Variants in TES observed in about 807,000 individuals in gnomAD.
The protein encoded by TES is testin.
A neutral mutation model predicts 48.2 loss-of-function variants in TES; 41 were observed. The ratio of observed to expected loss-of-function variants is 0.85; its 90% CI spans 0.66 to 1.10. The LOEUF (loss-of-function observed/expected upper bound fraction) is 1.10, where lower values mean the gene tolerates loss of function less well. TES is among the 50% of genes least tolerant of loss of function. TES has a pLI of 0.00. For synonymous variants in TES, 162 were observed against 174.9 expected, an observed-to-expected ratio of 0.93 and a Z score of 0.58; for missense variants, 463 against 515.1, an observed-to-expected ratio of 0.90 and a Z score of 0.98.
At chr7:116,249,601 A>G in intron 3 of TES, 1 of 227,090 alleles carries the variant, frequency 4.4e-6, no homozygotes, top group Middle Eastern at 1.6e-3. Flanking sequence ...GGTAAAGAAG[A>G]GAATTTTTGT....
chr7:116,252,066 G>A, intron 5 of TES, 91 bp downstream of exon 5: 1 of 1,320,986 alleles, frequency 7.6e-7, no homozygotes, highest in East Asian at 2.3e-5. Flanking sequence ...TGACCAAACA[G>A]CAGTTGCTCT....
chr7:116,257,206 T>G, intron 6 of TES, 88 bp from the exon 7 acceptor site: 1 of 1,361,810 alleles, frequency 7.3e-7, no homozygotes, highest in East Asian at 2.5e-5. Context: ...AGTTTTAATT[T>G]ATCATCTAAA....
intron 1 of TES, 58 bp downstream of exon 1, chr7:116,210,792 G>T (rs1799426893): frequency 8.1e-7 from 1 of 1,227,548 alleles, no homozygotes; most frequent in Non-Finnish European, 1.0e-6. Context: ...CGCGCGGCGC[G>T]CGGCGGCCGG....
intron 1 of TES, among the ~76,000 whole-genome samples, chr7:116,217,123 C>T (rs1224541815): frequency 6.6e-6 from 1 of 152,058 alleles, no homozygotes; most frequent in Non-Finnish European, 1.5e-5. Flanking sequence ...TGGAATTATA[C>T]CCGTCAGTGA....
intron 1 of TES, among the ~76,000 whole-genome samples, chr7:116,228,008 G>GTTTTTTTTTTTT (rs77777605): frequency 8.1e-5 from 10 of 122,924 alleles, no homozygotes; most frequent in East Asian, 2.6e-4. Context: ...TCTTTTTTTT[G>GTTTTTTTTTTTT]TTTTTTTTTT....
intron 1 of TES, among the ~76,000 whole-genome samples, chr7:116,225,684 A>G (rs552157152): frequency 2.0e-4 from 31 of 152,356 alleles, no homozygotes; most frequent in African/African-American, 7.5e-4. Context: ...AATGAATCCT[A>G]GAATCTGCAG....
At chr7:116,246,249 A>T (rs1207549296) in intron 2 of TES, among the ~76,000 whole-genome samples, 1 of 152,218 alleles carries the variant, frequency 6.6e-6, no homozygotes, top group Non-Finnish European at 1.5e-5. Flanking sequence ...CCACAACAAT[A>T]ACCCTCCAAG....
At chr7:116,224,412 A>G (rs1000765) in intron 1 of TES, among the ~76,000 whole-genome samples, 1 of 152,226 alleles carries the variant, frequency 6.6e-6, no homozygotes, top group African/African-American at 2.4e-5. Flanking sequence ...TGCCCTGAGT[A>G]CTGCATAATG....
rs747360594 is a variant in TES at position 116,257,333 on chromosome 7, C to G, written c.1117C>G (p.Gln373Glu). The G allele has an allele frequency of 1.2e-6, 2 of 1,613,290 alleles. No individual in the cohort carries two copies. Among genetic ancestry groups the G allele is most frequent in the Admixed American group, 1.7e-5 (1 of 59,792 alleles). Residue 373 changes from glutamine to glutamate, a missense_variant, in exon 7 of 7, where the codon CAG (glutamine) becomes GAG (glutamate). Physicochemically the swap from Gln to Glu is conservative, Grantham distance 29. Coordinates refer to ENST00000358204, the MANE Select transcript of TES (RefSeq NM_015641.4). The stretch of plus-strand genomic sequence containing the variant: ...CCACAATGCCATCGACCCAGAAGTG[C>G]AGCGGGTGACCTATAACAATTTCAG... The part of the protein sequence containing the change: ...GCHNAIDPEV[Q>E]RVTYNNFSWH...
chr7:116,219,439 A>C (rs1173031642), intron 1 of TES, among the ~76,000 whole-genome samples: 1 of 152,078 alleles, frequency 6.6e-6, no homozygotes, highest in African/African-American at 2.4e-5. Flanking sequence ...CTATTGAGAG[A>C]GAGGAGGAAA....
chr7:116,242,620 A>G (rs545877061), intron 2 of TES, among the ~76,000 whole-genome samples: 25 of 152,302 alleles, frequency 1.6e-4, no homozygotes, highest in Admixed American at 1.5e-3. Context: ...TTCAGAATAC[A>G]ACAAACTAAA....
chr7:116,225,893 A>G (rs903482313), intron 1 of TES, among the ~76,000 whole-genome samples: 5 of 152,206 alleles, frequency 3.3e-5, no homozygotes, highest in Admixed American at 6.5e-5. Flanking sequence ...GGCACTATTT[A>G]TTGGTTAGGA....
rs544498985 is a variant in TES, at chr7:116,231,608, A to T, written c.28-2926A>T. Reference sequence around the variant, plus strand: ...AGATTCACAGATTTTCTGATTGGTGATTAGTTGAAAGCCTTATTATCTAAA... The same window carrying T: ...AGATTCACAGATTTTCTGATTGGTGTTTAGTTGAAAGCCTTATTATCTAAA... On this transcript the variant is annotated intron_variant, in intron 1 of 6. Transcript: ENST00000358204. 3.0e-4 allele frequency among the ~76,000 whole-genome samples: 45 copies of T among 152,290 alleles called. No individual in the cohort carries two copies. The South Asian group carries it at 8.7e-3, about 29-fold the overall frequency.
At chr7:116,231,093 C>G (rs1438168251) in intron 1 of TES, among the ~76,000 whole-genome samples, 1 of 152,140 alleles carries the variant, frequency 6.6e-6, no homozygotes, top group African/African-American at 2.4e-5. Context: ...TCCTCTGCCC[C>G]AAAAGAACAG....
At chr7:116,224,933 A>G (rs1799604089) in intron 1 of TES, among the ~76,000 whole-genome samples, 1 of 152,122 alleles carries the variant, frequency 6.6e-6, no homozygotes, top group Non-Finnish European at 1.5e-5. Flanking sequence ...CAAGATGCAA[A>G]TCTCACTTCT....
intron 1 of TES, among the ~76,000 whole-genome samples, chr7:116,229,950 T>G (rs1799676197): frequency 6.6e-6 from 1 of 152,192 alleles, no homozygotes; most frequent in East Asian, 1.9e-4. Context: ...CCCAATAATG[T>G]GGCATAAGTC....
intron 1 of TES, among the ~76,000 whole-genome samples, chr7:116,226,099 T>TTG (rs1270629120): frequency 6.6e-6 from 1 of 152,196 alleles, no homozygotes; most frequent in Non-Finnish European, 1.5e-5. Context: ...CAGTGTCTTT[T>TTG]TGTGTGTGTG....
In TES at chr7:116,210,569, C is replaced by G. The variant is rs1799422268; in HGVS notation, c.-139C>G. On this transcript the variant is annotated 5_prime_UTR_variant, in exon 1 of 7. Transcript: ENST00000358204. ...GGCGGACTGGGCGGCGGAAGTTCGA[C>G]GGCGCCGGGCGAGTGGCTGTTGAGC... The G allele has an allele frequency of 2.0e-6, 2 of 984,530 alleles. No individual in the cohort carries two copies. The highest frequency in any genetic ancestry group is 4.3e-5 in the South Asian group (1 of 23,322). 61.0% of individuals were successfully genotyped at this position (984,530 alleles called of 1,614,324 possible).
chr7:116,230,211 C>T (rs10243102), intron 1 of TES, among the ~76,000 whole-genome samples: 17,891 of 152,124 alleles, frequency 0.12, 1,088 homozygotes, highest in Non-Finnish European at 0.13. Context: ...ATCATATTGC[C>T]GTGACCCATT....
Sources: allele counts gnomAD v4.1 joint callset (sites outside exome capture counted in the v4.1 genomes callset), GRCh38; gene constraint gnomAD v4.1.1; transcripts MANE v1.5; gene names NCBI Gene and HGNC (gene_info 2026-07-23, HGNC 2026-07-21).